Variants in WWP1 observed in about 807,000 individuals in gnomAD.
WWP1 encodes the protein WW domain containing E3 ubiquitin protein ligase 1, also known as NEDD4-like E3 ubiquitin-protein ligase WWP1.
Under a neutral mutation model 130.6 loss-of-function variants are expected in WWP1, and 49 were observed. The ratio of observed to expected loss-of-function variants is 0.38; its 90% CI spans 0.30 to 0.48. The LOEUF is 0.48. WWP1 is among the 20% of genes least tolerant of loss of function. WWP1 has a pLI of 0.99. For missense variants in WWP1, 809 were observed against 1,100.6 expected (o/e 0.74, Z 3.75); for synonymous variants, 332 against 367.8 (o/e 0.90, Z 1.11).
chr8:86,391,179 C>T (rs770241960), intron 5 of WWP1, among the ~76,000 whole-genome samples: 2 of 152,188 alleles, frequency 1.3e-5, no homozygotes, highest in Non-Finnish European at 2.9e-5. Flanking sequence ...TGTTCCACTT[C>T]TTCACATTTA....
chr8:86,462,034 T>TAA (rs1811794619), intron 24 of WWP1, among the ~76,000 whole-genome samples, 188 bp downstream of exon 24: 1 of 152,224 alleles, frequency 6.6e-6, no homozygotes, highest in African/African-American at 2.4e-5. Context: ...ATAGAAATAT[T>TAA]TGAGAAATGC....
intron 20 of WWP1, among the ~76,000 whole-genome samples, chr8:86,451,194 C>T (rs966123354): frequency 8.6e-5 from 10 of 116,088 alleles, no homozygotes; most frequent in East Asian, 7.6e-4. Context: ...ACCAGGCAAC[C>T]GAGTGAGACC....
chr8:86,399,346 CTGGCATT>C (rs2130491728), intron 7 of WWP1, among the ~76,000 whole-genome samples: 1 of 152,270 alleles, frequency 6.6e-6, no homozygotes, highest in East Asian at 1.9e-4. Context: ...CAGAAACTCC[CTGGCATT>C]CACAGTTCAT....
At chr8:86,449,611 A>C (rs927766299) in intron 20 of WWP1, among the ~76,000 whole-genome samples, 3 of 152,264 alleles carry the variant, frequency 2.0e-5, no homozygotes, top group Admixed American at 2.0e-4. Flanking sequence ...ATTTGCCAGC[A>C]CGTGAACTAC....
At position 86,431,706 on chromosome 8, in the gene WWP1, A is replaced by G; in HGVS notation, c.1564A>G (p.Thr522Ala). 1 of 1,614,034 alleles carries G rather than the reference A, an allele frequency of 6.2e-7. No individual in the cohort carries two copies. Among genetic ancestry groups the G allele is most frequent in the Non-Finnish European group, 8.5e-7 (1 of 1,179,938 alleles). Residue 522 changes from threonine (T) to alanine (A), a missense_variant, in exon 14 of 25, where the codon ACA (threonine) becomes GCA (alanine). Physicochemically the swap from Thr to Ala is moderately conservative, Grantham distance 58 (BLOSUM62 0). Coordinates refer to ENST00000517970, the MANE Select transcript of WWP1 (RefSeq NM_007013.4). ...CTTTGTTGATCATAACACAAGAACA[A>G]CAACATTCAAAGATCCTCGCAATGG... Reference protein sequence around the residue: ...RYFVDHNTRTTTFKDPRNGKS... With the variant: ...RYFVDHNTRTATFKDPRNGKS...
In WWP1 at chr8:86,396,412, T is replaced by G. The variant is rs115543487; in HGVS notation, c.335-1930T>G. Among the ~76,000 whole-genome samples, 470 of 152,108 alleles carry G rather than the reference T, an allele frequency of 3.1e-3. 2 individuals carry two copies. The highest frequency in any genetic ancestry group is 0.011 in the African/African-American group (448 of 41,508). On this transcript the variant is annotated intron_variant, in intron 5 of 24. Transcript: ENST00000517970. The stretch of plus-strand genomic sequence containing the variant: ...CTGCGCCTGGCTGCTTTTGTAGTTT[T>G]TGTGTGTGTGTGCTTTCGTATTTCC...
chr8:86,461,938 T>C, intron 24 of WWP1, 92 bp downstream of exon 24: 2 of 1,016,862 alleles, frequency 2.0e-6, no homozygotes, highest in Non-Finnish European at 3.0e-6. Flanking sequence ...GTATAACTGC[T>C]TATTCATTAA....
At chr8:86,372,412 G>A (rs1366194096) in intron 2 of WWP1, among the ~76,000 whole-genome samples, 2 of 152,166 alleles carry the variant, frequency 1.3e-5, no homozygotes, top group African/African-American at 2.4e-5. Flanking sequence ...CACCCGCCTT[G>A]GCCTGCCAAA....
chr8:86,417,587 A>C (rs1022767425), intron 9 of WWP1, among the ~76,000 whole-genome samples: 4 of 152,248 alleles, frequency 2.6e-5, no homozygotes, highest in Non-Finnish European at 5.9e-5. Flanking sequence ...GTAAGTGCTT[A>C]CTGAATATTT....
rs1012959189 is a variant in WWP1, at chr8:86,364,833, A to AAGAGAGAGAG, written c.-114-4090_-114-4081dup. Among the ~76,000 whole-genome samples the AAGAGAGAGAG allele has an allele frequency of 1.6e-3, 179 of 113,814 alleles. 1 individual carries two copies. Among genetic ancestry groups the AAGAGAGAGAG allele is most frequent in the Middle Eastern group, 4.1e-3 (1 of 242 alleles). The allele number at this position is 113,814 out of a possible 152,430, so 74.7% of individuals were successfully genotyped here. On this transcript the variant is annotated intron_variant, in intron 1 of 24. Coordinates refer to ENST00000517970, the MANE Select transcript of WWP1 (RefSeq NM_007013.4). ...AAAGAAAGAAAGAAAGAAAGAAAGAAAGAGAGAGAGAGAGAGAGAGAGAGA... is the reference window on the plus strand; with the variant it reads ...AAAGAAAGAAAGAAAGAAAGAAAGAAAGAGAGAGAGAGAGAGAGAGAGAGAGAGAGAGAGA...
chr8:86,398,099 T>C (rs984723641), intron 5 of WWP1, among the ~76,000 whole-genome samples: 5 of 152,186 alleles, frequency 3.3e-5, no homozygotes, highest in African/African-American at 9.6e-5. Flanking sequence ...GCTACACTTA[T>C]TATTTAAATG....
intron 8 of WWP1, among the ~76,000 whole-genome samples, chr8:86,410,886 G>A (rs1808544729): frequency 1.3e-5 from 2 of 151,892 alleles, no homozygotes; most frequent in African/African-American, 4.8e-5. Context: ...TTAGAACTTT[G>A]ATATATGGTC....
chr8:86,442,852 A>G (rs1400668942), intron 18 of WWP1, 74 bp downstream of exon 18: 19 of 1,452,918 alleles, frequency 1.3e-5, no homozygotes, highest in Non-Finnish European at 1.7e-5. Flanking sequence ...AAAAAAAAAA[A>G]AAAGGATAAG....
chr8:86,411,044 C>A (rs1318501367), intron 8 of WWP1, among the ~76,000 whole-genome samples: 6 of 152,138 alleles, frequency 3.9e-5, no homozygotes, highest in Non-Finnish European at 5.9e-5. Context: ...TGGGTTATTT[C>A]TTGAAAAAGT....
intron 14 of WWP1, among the ~76,000 whole-genome samples, chr8:86,433,715 G>A (rs1420622074): frequency 4.6e-5 from 7 of 152,210 alleles, no homozygotes; most frequent in Admixed American, 3.3e-4. Context: ...AGGCCGAGGC[G>A]GGCAGATCAC....
chr8:86,408,922 A>AC (rs1808425874), intron 8 of WWP1, among the ~76,000 whole-genome samples: 1 of 151,468 alleles, frequency 6.6e-6, no homozygotes, highest in East Asian at 1.9e-4. Context: ...AAAAAAAAAA[A>AC]TTTTTTTTCT....
chr8:86,369,882 G>A (rs1024603509), intron 2 of WWP1, among the ~76,000 whole-genome samples: 29 of 151,708 alleles, frequency 1.9e-4, no homozygotes, highest in African/African-American at 5.6e-4. Flanking sequence ...ATCTACTTCC[G>A]TGCCTTCCAT....
intron 3 of WWP1, among the ~76,000 whole-genome samples, chr8:86,374,633 T>C (rs573404550): frequency 1.2e-4 from 19 of 152,312 alleles, no homozygotes; most frequent in Middle Eastern, 3.4e-3. Flanking sequence ...TTCCAATTCA[T>C]AATAATAACT....
intron 16 of WWP1, 139 bp downstream of exon 16, chr8:86,435,843 G>A (rs1810258126): frequency 9.1e-6 from 7 of 768,434 alleles, no homozygotes; most frequent in Non-Finnish European, 1.4e-5. Context: ...CACTTGTTGA[G>A]TGCCTTTGTT....
Sources: allele counts gnomAD v4.1 joint callset (sites outside exome capture counted in the v4.1 genomes callset), GRCh38; gene constraint gnomAD v4.1.1; transcripts MANE v1.5; gene names NCBI Gene and HGNC (gene_info 2026-07-23, HGNC 2026-07-21).